The following BMPR2 variants were observed in gnomAD, a reference collection of about 807,000 sequenced individuals.
The protein encoded by BMPR2 is bone morphogenetic protein receptor type 2.
In BMPR2, 29 loss-of-function variants were observed where a neutral mutation model predicts 100.8. The ratio of observed to expected loss-of-function variants is 0.29; its 90% CI spans 0.21 to 0.39. The LOEUF is 0.39. Ranked by LOEUF, BMPR2 falls within the 10% of genes least tolerant of loss-of-function variation. The pLI, the probability that BMPR2 is intolerant of heterozygous loss-of-function variation, is 1.00. For synonymous variants in BMPR2, 382 were observed against 442.3 expected, an observed-to-expected ratio of 0.86 and a Z score of 1.71; for missense variants, 1,011 against 1,274.5, an observed-to-expected ratio of 0.79 and a Z score of 3.15.
chr2:202,542,401 A>G lies in BMPR2; in HGVS notation c.1367A>G (p.Glu456Gly), dbSNP rs1272380912. ...GATATGCAGGTTCTCGTGTCTAGGG[A>G]AAAACAGAGACCCAAGTTCCCAGAA... is the stretch of plus-strand genomic sequence containing the variant. ...FEDMQVLVSR[E>G]KQRPKFPEAW... Residue 456 changes from glutamate to glycine, a missense_variant, in exon 10 of 13, where the codon GAA becomes GGA. By Grantham distance (98) the Glu-to-Gly change is moderately conservative. Around this residue, in one of 6 missense-constraint regions of BMPR2, gnomAD observed 83 missense variants for 140.7 expected, o/e 0.59. Coordinates refer to ENST00000374580, the MANE Select transcript of BMPR2 (RefSeq NM_001204.7). The G allele has an allele frequency of 1.2e-6, 2 of 1,614,122 alleles. No homozygotes were observed. The highest frequency in any genetic ancestry group is 1.7e-5 in the Admixed American group (1 of 60,026).
chr2:202,505,175 A>G (rs1687495160), intron 3 of BMPR2: 1 of 152,990 alleles, frequency 6.5e-6, no homozygotes, highest in African/African-American at 2.4e-5. Context: ...GTGCCAATCT[A>G]TTTTGAAGTC....
rs1172001860 is a variant in BMPR2, at chr2:202,388,787, CA to C, written c.76+11252del. Among the ~76,000 whole-genome samples, 287 of 90,616 alleles carry C rather than the reference CA, an allele frequency of 3.2e-3. 1 individual carries two copies. Among genetic ancestry groups the C allele is most frequent in the East Asian group, 0.019 (50 of 2,644 alleles). The allele number at this position is 90,616 out of a possible 152,430, so 59.4% of individuals were successfully genotyped here. ...TGGGCGACACAGTGAGATTCAGTCT[CA>C]AAAAAAAAAAAAAAGCAAGATTTTA... On this transcript the variant is annotated intron_variant, in intron 1 of 12. Coordinates refer to ENST00000374580, the MANE Select transcript of BMPR2 (RefSeq NM_001204.7).
At chr2:202,529,153 A>G (rs58797362) in intron 7 of BMPR2, among the ~76,000 whole-genome samples, 111 of 152,348 alleles carry the variant, frequency 7.3e-4, no homozygotes, top group African/African-American at 2.5e-3. Flanking sequence ...AGTAGTTTGT[A>G]TATAGTCTTT....
At position 202,530,963 on chromosome 2, in the gene BMPR2, A is replaced by G; in HGVS notation, c.1128+9A>G. 1 of 1,613,888 alleles carries G rather than the reference A, an allele frequency of 6.2e-7. No homozygotes were observed. Among genetic ancestry groups the G allele is most frequent in the South Asian group, 1.1e-5 (1 of 91,072 alleles). On this transcript the variant is annotated intron_variant, in intron 8 of 12. Transcript: ENST00000374580. Reference sequence around the variant, plus strand: ...ATGCAGCCATAAGCGAGGTGAGTGTATACAAAAGGTATCACACTGATGTAC... The same window carrying G: ...ATGCAGCCATAAGCGAGGTGAGTGTGTACAAAAGGTATCACACTGATGTAC...
chr2:202,530,059 T>G (rs1465615385), intron 7 of BMPR2, among the ~76,000 whole-genome samples: 2 of 152,180 alleles, frequency 1.3e-5, no homozygotes, highest in Admixed American at 6.5e-5. Context: ...TCAGCAATCA[T>G]TTACTGTGTG....
intron 3 of BMPR2, among the ~76,000 whole-genome samples, chr2:202,483,642 G>A (rs563419062): frequency 1.4e-4 from 22 of 152,024 alleles, no homozygotes; most frequent in South Asian, 8.3e-4. Flanking sequence ...TCAGTGATCC[G>A]CCCACCTAGG....
In BMPR2 at chr2:202,513,784, G is replaced by A. The variant is rs1049852005; in HGVS notation, c.484G>A (p.Ala162Thr). The change falls in exon 4 of 13, where the codon GCT becomes ACT. Residue 162 changes from alanine to threonine, a missense_variant. Ala to Thr is a moderately conservative substitution (Grantham distance 58, BLOSUM62 0). Transcript: ENST00000374580. The part of the protein sequence containing the change: ...IIALASVSVL[A>T]VLIVALCFGY... Reference sequence around the variant, plus strand: ...TGCTTTGGCATCAGTCTCTGTATTAGCTGTTTTGATAGTTGCCTTATGCTT... The same window carrying A: ...TGCTTTGGCATCAGTCTCTGTATTAACTGTTTTGATAGTTGCCTTATGCTT... The A allele has an allele frequency of 1.2e-6, 2 of 1,612,836 alleles. No homozygotes were observed. The highest frequency in any genetic ancestry group is 1.7e-6 in the Non-Finnish European group (2 of 1,179,392).
Position 202,502,775 on chromosome 2 carries a change from G to A in BMPR2, c.419-10944G>A, listed in dbSNP as rs185279229. Among the ~76,000 whole-genome samples, 242 of 152,284 alleles carry A rather than the reference G, an allele frequency of 1.6e-3. 1 individual carries two copies. The highest frequency in any genetic ancestry group is 5.6e-3 in the African/African-American group (232 of 41,552). The stretch of plus-strand genomic sequence containing the variant: ...TTTTTACACTAACCAGTCGGGGGTA[G>A]CACAAGATGCCACCCAGCGTTTACA... On this transcript the variant is annotated intron_variant, in intron 3 of 12. Coordinates refer to ENST00000374580, the MANE Select transcript of BMPR2 (RefSeq NM_001204.7).
Position 202,561,070 on chromosome 2 carries a change from A to G in BMPR2, c.*1124A>G, listed in dbSNP as rs1483512498. ...AAGTAATTTATAGTTCTGAACCTAT[A>G]GTATCTTTTACCCTGTTCCCAAGCA... On this transcript the variant is annotated 3_prime_UTR_variant, in exon 13 of 13. Coordinates refer to ENST00000374580, the MANE Select transcript of BMPR2 (RefSeq NM_001204.7). 2 of 152,078 alleles carry G rather than the reference A, an allele frequency of 1.3e-5. No homozygotes were observed. The highest frequency in any genetic ancestry group is 1.3e-4 in the Admixed American group (2 of 15,252). 9.4% of individuals were successfully genotyped at this position (152,078 alleles called of 1,614,324 possible). A position where few individuals can be genotyped will look rare whatever the true frequency, so the allele number is the denominator to read the frequency against.
intron 1 of BMPR2, among the ~76,000 whole-genome samples, chr2:202,416,653 TGACCTC>T (rs1691132606): frequency 6.6e-6 from 1 of 151,350 alleles, no homozygotes; most frequent in African/African-American, 2.4e-5. Flanking sequence ...CTCTATGTCT[TGACCTC>T]GTGATCCGCC....
At chr2:202,459,352 T>G (rs1692181681) in intron 1 of BMPR2, among the ~76,000 whole-genome samples, 1 of 152,238 alleles carries the variant, frequency 6.6e-6, no homozygotes, top group Non-Finnish European at 1.5e-5. Context: ...CATTTAACTT[T>G]TAAGTTCAGG....
intron 1 of BMPR2, among the ~76,000 whole-genome samples, chr2:202,451,528 G>A (rs1384560508): frequency 7.2e-5 from 11 of 152,044 alleles, no homozygotes; most frequent in African/African-American, 1.4e-4. Flanking sequence ...GCAAAACCCC[G>A]TCTCTACTAA....
At chr2:202,414,691 C>T (rs72925057) in intron 1 of BMPR2, among the ~76,000 whole-genome samples, 24,811 of 152,194 alleles carry the variant, frequency 0.16, 2,405 homozygotes, top group Middle Eastern at 0.24. Context: ...CTAACTACAA[C>T]ATTCCCTTAG....
rs900978149 is a variant in BMPR2, at chr2:202,467,680, A to C, written c.409A>C (p.Thr137Pro). 5 of 1,610,854 alleles carry C rather than the reference A, an allele frequency of 3.1e-6. No homozygotes were observed. The highest frequency in any genetic ancestry group is 2.2e-5 in the South Asian group (2 of 91,022). Residue 137 changes from threonine to proline, a missense_variant, in exon 3 of 13, where the codon ACA becomes CCA. By Grantham distance (38) the Thr-to-Pro change is conservative (BLOSUM62 -1). Transcript: ENST00000374580. ...FTENFPPPDT[T>P]PLSPPHSFNR... ...TGAGAATTTTCCACCTCCTGACACA[A>C]CACCACTCAGTAAGTAAAGTAACCA... is the stretch of plus-strand genomic sequence containing the variant.
intron 3 of BMPR2, chr2:202,474,575 C>G (rs1488045251): frequency 6.6e-6 from 1 of 151,866 alleles, no homozygotes; most frequent in Non-Finnish European, 1.5e-5. Flanking sequence ...GGCTGGAGTA[C>G]GGTGGCTCAC....
At chr2:202,543,498 T>C (rs1688319288) in intron 10 of BMPR2, among the ~76,000 whole-genome samples, 1 of 151,664 alleles carries the variant, frequency 6.6e-6, no homozygotes, top group Non-Finnish European at 1.5e-5. Context: ...CTCCATTTGG[T>C]CAGTATTCTA....
intron 9 of BMPR2, among the ~76,000 whole-genome samples, chr2:202,533,692 G>A (rs909580296): frequency 6.6e-6 from 1 of 151,896 alleles, no homozygotes; most frequent in African/African-American, 2.4e-5. Context: ...GCGTGGTGGC[G>A]AGCACCTGTA....
rs62194086 is a variant in BMPR2 at position 202,422,392 on chromosome 2, C to T, written c.77-42417C>T. Among the ~76,000 whole-genome samples the T allele has an allele frequency of 4.9e-3, 743 of 151,576 alleles. 9 individuals carry two copies. Among genetic ancestry groups the T allele is most frequent in the Non-Finnish European group, 4.6e-3 (309 of 67,866 alleles). On this transcript the variant is annotated intron_variant, in intron 1 of 12. Transcript: ENST00000374580. The stretch of plus-strand genomic sequence containing the variant: ...GGCGATCTGGGCTCACTGCAAACTC[C>T]GCCTCCCGGGTTCCCACCATTCTCC...
chr2:202,388,555 C>T (rs1690481560), intron 1 of BMPR2, among the ~76,000 whole-genome samples: 1 of 151,696 alleles, frequency 6.6e-6, no homozygotes, highest in Non-Finnish European at 1.5e-5. Flanking sequence ...GAGGCCGAAG[C>T]GGGCAGATCA....
Sources: allele counts gnomAD v4.1 joint callset (sites outside exome capture counted in the v4.1 genomes callset), GRCh38; gene constraint gnomAD v4.1.1; regional missense constraint gnomAD v4.1.1; transcripts MANE v1.5; gene names NCBI Gene and HGNC (gene_info 2026-07-23, HGNC 2026-07-21).